NGEF: variants seen among roughly 807,000 people sequenced by gnomAD.
NGEF encodes neuronal guanine nucleotide exchange factor.
Under a neutral mutation model 80.9 loss-of-function variants are expected in NGEF, and 31 were observed. The ratio of observed to expected loss-of-function variants is 0.38; its 90% CI spans 0.29 to 0.52. The LOEUF (loss-of-function observed/expected upper bound fraction) is 0.52. NGEF is among the 20% of genes least tolerant of loss of function. The pLI is 0.84. For missense variants in NGEF, 709 were observed against 926.2 expected (o/e 0.77, Z 3.04); for synonymous variants, 371 against 370.2 (o/e 1.00, Z -0.03).
At chr2:232,887,971 A>G (rs1473472715) in intron 9 of NGEF, 62 bp downstream of exon 9, 1 of 1,267,934 alleles carries the variant, frequency 7.9e-7, no homozygotes, top group Non-Finnish European at 1.2e-6. Context: ...AGGGCCGGAA[A>G]GGTGTGCCTG....
chr2:232,954,049 G>A (rs4973583), intron 3 of NGEF, among the ~76,000 whole-genome samples: 120,785 of 152,140 alleles, frequency 0.79, 48,531 homozygotes, highest in African/African-American at 0.92. Context: ...TCCTATTGGC[G>A]TGAGGATAAC....
rs372485111 is a variant in NGEF, at chr2:232,920,461, C to G, written c.651G>C (p.Glu217Asp). The G allele has an allele frequency of 6.2e-6, 10 of 1,613,716 alleles. No homozygotes were observed. The highest frequency in any genetic ancestry group is 8.5e-6 in the Non-Finnish European group (10 of 1,179,856). Residue 217 changes from glutamate to aspartate, a missense_variant, in exon 5 of 15, where the codon GAG (glutamate) becomes GAC (aspartate). Glu to Asp is a conservative substitution (Grantham distance 45). Coordinates refer to ENST00000264051, the MANE Select transcript of NGEF (RefSeq NM_019850.3). ...CCTCCTCCTCCTCCTCTTCTTCTTC[C>G]TCCTCCGGGGTGTCCTCACTGGCCG... ...GSPASEDTPEEEEEEEEEEEP... is the reference protein window; with the variant it reads ...GSPASEDTPEDEEEEEEEEEP...
chr2:233,010,337 C>A (rs949763728), intron 1 of NGEF, among the ~76,000 whole-genome samples: 5 of 152,188 alleles, frequency 3.3e-5, no homozygotes, highest in African/African-American at 4.8e-5. Context: ...ATTTAGAGAA[C>A]CTGGAGCATT....
rs1378669869 is a variant in NGEF, at chr2:232,945,162, C to T, written c.384-17976G>A. On this transcript the variant is annotated intron_variant, in intron 3 of 14. Coordinates refer to ENST00000264051, the MANE Select transcript of NGEF (RefSeq NM_019850.3). ...TGAAAATAAACCAAAACAAATGAAC[C>T]TAAGTGATTATAACATTGATAACAT... 3.3e-5 allele frequency among the ~76,000 whole-genome samples: 5 copies of T among 151,868 alleles called. No individual in the cohort carries two copies. In the East Asian group the frequency reaches 7.7e-4, roughly 23 times the overall value.
At chr2:232,949,030 C>CAA (rs142989664) in intron 3 of NGEF, among the ~76,000 whole-genome samples, 2,204 of 137,502 alleles carry the variant, frequency 0.016, 40 homozygotes, top group African/African-American at 0.049. Flanking sequence ...AAAAACCCCC[C>CAA]AAAAAAAACA....
intron 3 of NGEF, among the ~76,000 whole-genome samples, chr2:232,932,416 C>T (rs1024715548): frequency 4.6e-5 from 7 of 152,010 alleles, no homozygotes; most frequent in East Asian, 3.9e-4. Context: ...CCACCCGACT[C>T]GGCCTCCCAA....
intron 3 of NGEF, among the ~76,000 whole-genome samples, chr2:232,950,615 T>A (rs1376494222): frequency 2.0e-5 from 3 of 152,212 alleles, no homozygotes; most frequent in Non-Finnish European, 2.9e-5. Flanking sequence ...GTTCTGATTT[T>A]CCAGAAAAGG....
chr2:233,010,150 C>T (rs1272415481), intron 1 of NGEF, among the ~76,000 whole-genome samples: 3 of 152,180 alleles, frequency 2.0e-5, no homozygotes, highest in Non-Finnish European at 4.4e-5. Context: ...GCCTCAGCCT[C>T]CCAAAGTGCT....
intron 14 of NGEF, among the ~76,000 whole-genome samples, chr2:232,880,794 A>G (rs1691475548): frequency 6.6e-6 from 1 of 152,200 alleles, no homozygotes; most frequent in African/African-American, 2.4e-5. Flanking sequence ...GGTCAGGCTT[A>G]GGATGTTCCT....
In NGEF at chr2:233,007,577, C is replaced by T. The variant is rs140582420; in HGVS notation, c.-75+5491G>A. ...CTAGCACTGCTCACATGAGAAGATG[C>T]TGGCTGTCTATGCATGCTACTTAAT... On this transcript the variant is annotated intron_variant, in intron 1 of 14. Coordinates refer to ENST00000264051, the MANE Select transcript of NGEF (RefSeq NM_019850.3). 8.3e-3 allele frequency among the ~76,000 whole-genome samples: 1,264 copies of T among 152,318 alleles called. 17 individuals carry two copies. The highest frequency in any genetic ancestry group is 0.029 in the African/African-American group (1,207 of 41,560).
intron 5 of NGEF, among the ~76,000 whole-genome samples, chr2:232,912,566 A>C (rs1692711215): frequency 6.6e-6 from 1 of 152,196 alleles, no homozygotes; most frequent in Non-Finnish European, 1.5e-5. Context: ...TATTTTGGAA[A>C]AGAATGGGGA....
chr2:233,010,575 ATT>A (rs5839464), intron 1 of NGEF, among the ~76,000 whole-genome samples: 3 of 148,466 alleles, frequency 2.0e-5, no homozygotes, highest in Non-Finnish European at 3.0e-5. Flanking sequence ...TGAACGTGTG[ATT>A]TTTTTTTTTC....
chr2:232,985,000 G>T (rs1329276660), intron 1 of NGEF, among the ~76,000 whole-genome samples: 1 of 152,086 alleles, frequency 6.6e-6, no homozygotes, highest in Non-Finnish European at 1.5e-5. Flanking sequence ...GGAGATTGGG[G>T]ACAGCTCTCA....
intron 1 of NGEF, among the ~76,000 whole-genome samples, chr2:233,012,293 A>G (rs1010611090): frequency 6.6e-6 from 1 of 152,216 alleles, no homozygotes; most frequent in African/African-American, 2.4e-5. Context: ...GACTGTCCCA[A>G]ATTTTAAATC....
At chr2:232,927,584 C>G (rs575452500) in intron 3 of NGEF, among the ~76,000 whole-genome samples, 2 of 152,250 alleles carry the variant, frequency 1.3e-5, no homozygotes, top group African/African-American at 4.8e-5. Flanking sequence ...TCCGATCCTC[C>G]CGTCCCCAGG....
chr2:232,999,025 C>T (rs988616911), intron 1 of NGEF, among the ~76,000 whole-genome samples: 9 of 152,152 alleles, frequency 5.9e-5, no homozygotes, highest in African/African-American at 1.2e-4. Flanking sequence ...TTTGGGACCC[C>T]GGAACAGCAG....
In NGEF at chr2:232,893,046, G is replaced by T. The variant is rs200148193; in HGVS notation, c.994C>A (p.Leu332Ile). 14 of 1,611,680 alleles carry T rather than the reference G, an allele frequency of 8.7e-6. No homozygotes were observed. The East Asian group carries it at 3.1e-4, about 36-fold the overall frequency. ...LDVLAVSERF[L>I]LELEHRMEEN... ...TCCATCCGGTGCTCCAGCTCCAGGA[G>T]GAACCTACGAGAGGCAGCGGCTTGA... The change falls in exon 7 of 15, where the codon CTC becomes ATC. Residue 332 changes from leucine to isoleucine, a missense_variant. Leu to Ile is a conservative substitution (Grantham distance 5, BLOSUM62 2). Transcript: ENST00000264051.
chr2:232,893,876 G>A (rs570871446), intron 6 of NGEF, among the ~76,000 whole-genome samples: 2 of 152,344 alleles, frequency 1.3e-5, no homozygotes, highest in East Asian at 3.9e-4. Flanking sequence ...AGAAGGCGCT[G>A]CCACGAAGGG....
At position 232,979,975 on chromosome 2, in the gene NGEF, G is replaced by A. The variant is rs188727742; in HGVS notation, c.-74-5011C>T. On this transcript the variant is annotated intron_variant, in intron 1 of 14. Coordinates refer to ENST00000264051, the MANE Select transcript of NGEF (RefSeq NM_019850.3). ...ATAGATGAGGCAGCTGCCACTCTCA[G>A]AGCTGTGATAATCTGGCCAAGGTCG... Among the ~76,000 whole-genome samples, 221 of 152,168 alleles carry A rather than the reference G, an allele frequency of 1.5e-3. 2 individuals carry two copies. Among genetic ancestry groups the A allele is most frequent in the Middle Eastern group, 0.014 (4 of 294 alleles).
Sources: allele counts gnomAD v4.1 joint callset (sites outside exome capture counted in the v4.1 genomes callset), GRCh38; gene constraint gnomAD v4.1.1; transcripts MANE v1.5; gene names NCBI Gene and HGNC (gene_info 2026-07-23, HGNC 2026-07-21).